Variants in PTPRD observed in about 807,000 individuals in gnomAD.
The protein encoded by PTPRD is protein tyrosine phosphatase receptor type D, also known as receptor-type tyrosine-protein phosphatase delta.
Under a neutral mutation model 214.5 loss-of-function variants are expected in PTPRD, and 34 were observed. The ratio of observed to expected loss-of-function variants is 0.16; its 90% confidence interval spans 0.12 to 0.21. The LOEUF is 0.21. Ranked by LOEUF, PTPRD falls within the 10% of genes least tolerant of loss-of-function variation. PTPRD has a pLI of 1.00. For missense variants in PTPRD, 2,545 were observed against 2,398.7 expected (o/e 1.06, Z -1.27); for synonymous variants, 1,128 against 845.7 (o/e 1.33, Z -5.79).
At chr9:8,996,728 G>C (rs1486142677) in intron 11 of PTPRD, among the ~76,000 whole-genome samples, 2 of 151,934 alleles carry the variant, frequency 1.3e-5, no homozygotes, top group Non-Finnish European at 2.9e-5. Context: ...TCTTTTATAA[G>C]GACAGTAATT....
chr9:10,057,127 T>G (rs1387437402), intron 3 of PTPRD, among the ~76,000 whole-genome samples: 11 of 152,166 alleles, frequency 7.2e-5, no homozygotes. Context: ...TCCTAAATTT[T>G]CCTGGATTTA....
At chr9:8,848,379 A>G (rs899382177) in intron 11 of PTPRD, among the ~76,000 whole-genome samples, 1 of 147,390 alleles carries the variant, frequency 6.8e-6, no homozygotes, top group African/African-American at 2.5e-5. Flanking sequence ...TCTGTTATAC[A>G]GACTAGAATG....
chr9:10,312,199 G>T (rs1024755273), intron 3 of PTPRD, among the ~76,000 whole-genome samples: 2 of 151,932 alleles, frequency 1.3e-5, no homozygotes, highest in African/African-American at 4.8e-5. Flanking sequence ...TGTTATAACT[G>T]ATTTTTCATT....
At chr9:8,550,769 A>G (rs1420837208) in intron 14 of PTPRD, among the ~76,000 whole-genome samples, 2 of 152,236 alleles carry the variant, frequency 1.3e-5, no homozygotes, top group East Asian at 1.9e-4. Context: ...CTACAGCTTT[A>G]ACTATGAGAA....
rs764400127 is a variant in PTPRD, at chr9:8,518,099, G to A, written c.1292C>T (p.Ser431Leu). 49 of 1,613,994 alleles carry A rather than the reference G, an allele frequency of 3.0e-5. No homozygotes were observed. In the Admixed American group the frequency reaches 3.5e-4, roughly 12 times the overall value. Residue 431 changes from serine to leucine, a missense_variant, in exon 21 of 46, where the codon TCG (serine) becomes TTG (leucine). Transcript: ENST00000381196. ...CTTCCACTGTACCAAAATGGTGGTCGAACTCAACATTCGTGCCTGGACATC... is the reference window on the plus strand; with the variant it reads ...CTTCCACTGTACCAAAATGGTGGTCAAACTCAACATTCGTGCCTGGACATC... ...PRDVQARMLSSTTILVQWKEP... is the reference protein window; with the variant it reads ...PRDVQARMLSLTTILVQWKEP...
intron 3 of PTPRD, among the ~76,000 whole-genome samples, chr9:10,132,959 T>A (rs1272984964): frequency 1.3e-4 from 1 of 7,700 alleles, no homozygotes; most frequent in Admixed American, 1.5e-3. Context: ...CCAAGATTGT[T>A]ATTTTGTAGC....
chr9:8,797,778 C>T (rs530184141), intron 11 of PTPRD, among the ~76,000 whole-genome samples: 1 of 152,232 alleles, frequency 6.6e-6, no homozygotes, highest in South Asian at 2.1e-4. Context: ...CTCCAAGGTC[C>T]TCAAGAGTAG....
intron 11 of PTPRD, among the ~76,000 whole-genome samples, chr9:8,832,853 T>C (rs2097326918): frequency 6.6e-6 from 1 of 152,048 alleles, no homozygotes; most frequent in African/African-American, 2.4e-5. Context: ...CATTTTTTCA[T>C]AAACGCATAC....
rs1555290879 is a variant in PTPRD at position 9,357,714 on chromosome 9, TAA to T, written c.-203+39733_-203+39734del. ...ATGTGCTGCTCAATAGTTTTTAAAA[TAA>T]AAAAAAAAAATGACACAGTTAAGAG... is the stretch of plus-strand genomic sequence containing the variant. On this transcript the variant is annotated intron_variant, in intron 9 of 45. Coordinates refer to ENST00000381196, the MANE Select transcript of PTPRD (RefSeq NM_002839.4). Among the ~76,000 whole-genome samples the T allele has an allele frequency of 1.5e-3, 190 of 130,404 alleles. 2 individuals are homozygous for T. The highest frequency in any genetic ancestry group is 5.2e-3 in the African/African-American group (174 of 33,436). 85.6% of individuals were successfully genotyped at this position (130,404 alleles called of 152,430 possible).
chr9:8,381,851 C>T (rs7031533), intron 37 of PTPRD, among the ~76,000 whole-genome samples: 62,858 of 152,022 alleles, frequency 0.41, 15,839 homozygotes, highest in African/African-American at 0.68. Context: ...CCCCATTAAA[C>T]TGAAAGTCAT....
At chr9:9,146,670 G>A (rs956033595) in intron 10 of PTPRD, among the ~76,000 whole-genome samples, 1 of 152,060 alleles carries the variant, frequency 6.6e-6, no homozygotes, top group South Asian at 2.1e-4. Context: ...AAAAATATTT[G>A]ATTATTTCAA....
At chr9:10,467,584 G>A (rs962567104) in intron 2 of PTPRD, among the ~76,000 whole-genome samples, 1 of 152,078 alleles carries the variant, frequency 6.6e-6, no homozygotes, top group South Asian at 2.1e-4. Context: ...ATAAACGTGT[G>A]TGTACATGTG....
intron 2 of PTPRD, among the ~76,000 whole-genome samples, chr9:10,453,291 CTATT>C (rs1194629279): frequency 6.6e-6 from 1 of 151,438 alleles, no homozygotes; most frequent in Non-Finnish European, 1.5e-5. Flanking sequence ...GATTCTTTGA[CTATT>C]CATGAGATTT....
At chr9:10,246,816 C>G (rs773573871) in intron 3 of PTPRD, among the ~76,000 whole-genome samples, 2 of 151,542 alleles carry the variant, frequency 1.3e-5, no homozygotes, top group African/African-American at 4.9e-5. Context: ...ATCGCTTGAA[C>G]CTGGGAGGCT....
At chr9:9,381,419 G>A (rs946092607) in intron 9 of PTPRD, among the ~76,000 whole-genome samples, 3 of 148,724 alleles carry the variant, frequency 2.0e-5, no homozygotes, top group Admixed American at 6.7e-5. Context: ...GGAGTGCAGT[G>A]GCATAATCAC....
At chr9:10,232,350 A>G (rs980274624) in intron 3 of PTPRD, among the ~76,000 whole-genome samples, 2 of 151,968 alleles carry the variant, frequency 1.3e-5, no homozygotes, top group Non-Finnish European at 2.9e-5. Context: ...AAACATTAGT[A>G]AAAAAAGAAT....
chr9:10,197,318 C>A (rs537873690), intron 3 of PTPRD, among the ~76,000 whole-genome samples: 5 of 152,146 alleles, frequency 3.3e-5, no homozygotes, highest in African/African-American at 9.6e-5. Flanking sequence ...AGGAATTAAA[C>A]TGAGTTTAAA....
chr9:9,209,088 T>C (rs986498951), intron 9 of PTPRD, among the ~76,000 whole-genome samples: 2 of 152,044 alleles, frequency 1.3e-5, no homozygotes. Context: ...AATTACAGGC[T>C]TGAGCCACCG....
intron 14 of PTPRD, among the ~76,000 whole-genome samples, chr9:8,537,768 G>A (rs2077309143): frequency 1.3e-5 from 2 of 151,958 alleles, no homozygotes; most frequent in African/African-American, 4.8e-5. Context: ...ACTCCGGGCA[G>A]AGAATAAAAC....
Sources: gnomAD v4.1 joint callset for allele counts (sites outside exome capture counted in the v4.1 genomes callset) on GRCh38, gnomAD v4.1.1 for gene constraint, MANE v1.5 for transcripts, NCBI Gene and HGNC (gene_info 2026-07-23, HGNC 2026-07-21) for gene names.